Variants in NCEH1 observed in about 807,000 individuals in gnomAD.
The protein encoded by NCEH1 is neutral cholesterol ester hydrolase 1, also known as 2-acetyl MAGE hydrolase.
NCEH1 carries 9 observed loss-of-function variants against 25.4 expected under a neutral mutation model. That is an observed-to-expected ratio of 0.35 (90% CI 0.21 to 0.62). The LOEUF is 0.62. NCEH1 is among the 20% of genes least tolerant of loss of function. The pLI is 0.72. For missense variants in NCEH1, 412 were observed against 501.1 expected, an observed-to-expected ratio of 0.82 and a Z score of 1.70; for synonymous variants, 200 against 199.8, an observed-to-expected ratio of 1.00 and a Z score of -0.01.
In NCEH1 at chr3:172,679,211, G is replaced by A. The variant is rs117157567; in HGVS notation, c.139-31097C>T. 5.4e-4 allele frequency among the ~76,000 whole-genome samples: 83 copies of A among 152,344 alleles called. No individual in the cohort carries two copies. The East Asian group carries it at 0.015, about 27-fold the overall frequency. ...TTAAATAAGGAAGAGGGACAGCTAT[G>A]ACCTAATGCTTGCTTGGACCACTAT... On this transcript the variant is annotated intron_variant, in intron 1 of 4. Coordinates refer to ENST00000475381, the MANE Select transcript of NCEH1 (RefSeq NM_020792.6).
In NCEH1 at chr3:172,649,818, G is replaced by A. The variant is rs532863362; in HGVS notation, c.139-1704C>T. Among the ~76,000 whole-genome samples, 39 of 152,326 alleles carry A rather than the reference G, an allele frequency of 2.6e-4. No homozygotes were observed. In the South Asian group the frequency reaches 7.7e-3, roughly 30 times the overall value. On this transcript the variant is annotated intron_variant, in intron 1 of 4. Transcript: ENST00000475381. ...ACAGGACAGGTAGTTTGACTGGCAC[G>A]AAACGATGAAATATGAACAAAGAAA...
At position 172,631,496 on chromosome 3, in the gene NCEH1, G is replaced by C. The variant is rs545800356; in HGVS notation, c.*1979C>G. ...AGAGGCCAATATAATTTGCCAGTCT[G>C]ACAAGACAGTTGGTATTATAAGTGG... is the stretch of plus-strand genomic sequence containing the variant. On this transcript the variant is annotated 3_prime_UTR_variant, in exon 5 of 5. Coordinates refer to ENST00000475381, the MANE Select transcript of NCEH1 (RefSeq NM_020792.6). 6.6e-5 allele frequency: 10 copies of C among 152,628 alleles called. No individual in the cohort carries two copies. The highest frequency in any genetic ancestry group is 1.3e-4 in the Admixed American group (2 of 15,282). The allele number at this position is 152,628 out of a possible 1,614,324, so 9.5% of individuals were successfully genotyped here.
intron 1 of NCEH1, among the ~76,000 whole-genome samples, chr3:172,666,999 G>A (rs758378372): frequency 8.5e-5 from 13 of 152,182 alleles, no homozygotes; most frequent in Admixed American, 7.2e-4. Context: ...GTATTTCTAA[G>A]CCAACAGCGC....
At chr3:172,654,160 G>A (rs1314395088) in intron 1 of NCEH1, among the ~76,000 whole-genome samples, 3 of 152,196 alleles carry the variant, frequency 2.0e-5, no homozygotes, top group Non-Finnish European at 2.9e-5. Context: ...GGAGGCATGC[G>A]CAGCACAGAA....
Position 172,652,845 on chromosome 3 carries a change from A to G in NCEH1, c.139-4731T>C, listed in dbSNP as rs60906353. ...CAAATAGCTGGGATTACAGATGCCT[A>G]CCACCACACCTGGCTAATTTTTGTA... On this transcript the variant is annotated intron_variant, in intron 1 of 4. Coordinates refer to ENST00000475381, the MANE Select transcript of NCEH1 (RefSeq NM_020792.6). Among the ~76,000 whole-genome samples, 63 of 150,200 alleles carry G rather than the reference A, an allele frequency of 4.2e-4. No individual in the cohort carries two copies. In the East Asian group the frequency reaches 0.012, roughly 27 times the overall value.
At chr3:172,650,507 G>A (rs1577060046) in intron 1 of NCEH1, among the ~76,000 whole-genome samples, 3 of 151,964 alleles carry the variant, frequency 2.0e-5, no homozygotes. Context: ...AAATCAGCCG[G>A]GCATGGTGGC....
chr3:172,636,283 T>A, intron 3 of NCEH1, 196 bp from the exon 4 acceptor site: 1 of 423,144 alleles, frequency 2.4e-6, no homozygotes, highest in Admixed American at 3.8e-5. Context: ...TAGTTTAAAA[T>A]GTGATGATTT....
At chr3:172,650,123 G>A (rs768336844) in intron 1 of NCEH1, among the ~76,000 whole-genome samples, 4 of 152,122 alleles carry the variant, frequency 2.6e-5, no homozygotes, top group Non-Finnish European at 4.4e-5. Context: ...CTTATGTTTC[G>A]CTTGCATTCA....
At chr3:172,661,335 C>G (rs1271884212) in intron 1 of NCEH1, among the ~76,000 whole-genome samples, 2 of 152,152 alleles carry the variant, frequency 1.3e-5, no homozygotes, top group African/African-American at 4.8e-5. Flanking sequence ...TGGTCTATAT[C>G]TCCCTTTTGG....
chr3:172,702,884 C>A (rs560127787), intron 1 of NCEH1, among the ~76,000 whole-genome samples: 3 of 152,044 alleles, frequency 2.0e-5, no homozygotes, highest in Non-Finnish European at 4.4e-5. Context: ...CCCAGCTACT[C>A]AAAAGGCTGA....
chr3:172,658,226 C>T (rs1717794376), intron 1 of NCEH1, among the ~76,000 whole-genome samples: 1 of 152,220 alleles, frequency 6.6e-6, no homozygotes, highest in South Asian at 2.1e-4. Flanking sequence ...GCCACCGCAA[C>T]ATCAGGAAGT....
chr3:172,639,781 C>T lies in NCEH1; in HGVS notation c.438-3694G>A, dbSNP rs1039239125. Among the ~76,000 whole-genome samples, 5 of 152,272 alleles carry T rather than the reference C, an allele frequency of 3.3e-5. No homozygotes were observed. The South Asian group carries it at 1.0e-3, about 32-fold the overall frequency. On this transcript the variant is annotated intron_variant, in intron 3 of 4. Coordinates refer to ENST00000475381, the MANE Select transcript of NCEH1 (RefSeq NM_020792.6). ...GAACAAAATTTGGTGTAAATTCAGG[C>T]ATGAGGTTTAATCAAATTAATGTGT... is the stretch of plus-strand genomic sequence containing the variant.
chr3:172,702,771 C>T (rs947663467), intron 1 of NCEH1, among the ~76,000 whole-genome samples: 7 of 152,022 alleles, frequency 4.6e-5, no homozygotes, highest in African/African-American at 1.7e-4. Context: ...ATCACTTGAG[C>T]CCAGGAGTTT....
At position 172,662,385 on chromosome 3, in the gene NCEH1, G is replaced by A. The variant is rs192884503; in HGVS notation, c.139-14271C>T. ...TTCGGTTTGCCAGTATTTTATTGAGGATTTTTGCATCGATGTTCATCAGGG... is the reference window on the plus strand; with the variant it reads ...TTCGGTTTGCCAGTATTTTATTGAGAATTTTTGCATCGATGTTCATCAGGG... On this transcript the variant is annotated intron_variant, in intron 1 of 4. Transcript: ENST00000475381. Among the ~76,000 whole-genome samples the A allele has an allele frequency of 4.2e-3, 635 of 152,268 alleles. 3 individuals are homozygous for A. Among genetic ancestry groups the A allele is most frequent in the Non-Finnish European group, 7.2e-3 (491 of 68,022 alleles).
chr3:172,665,813 GT>G (rs1175814547), intron 1 of NCEH1, among the ~76,000 whole-genome samples: 1 of 152,218 alleles, frequency 6.6e-6, no homozygotes, highest in African/African-American at 2.4e-5. Flanking sequence ...TAATCTCCTG[GT>G]CTGCCATTTG....
intron 1 of NCEH1, among the ~76,000 whole-genome samples, chr3:172,653,763 T>TTTTTTTG (rs1717553030): frequency 1.0e-5 from 1 of 97,872 alleles, no homozygotes; most frequent in East Asian, 4.9e-4. Context: ...TTTTTTTGTT[T>TTTTTTTG]TTTTTTTTTT....
In NCEH1 at chr3:172,636,096, A is replaced by C. The variant is rs1442584710; in HGVS notation, c.438-9T>G. ...TTGGAACTAGCCTGTATCTGTAAAA[A>C]CAAAAGTTGTATTCATTTAAGGCCT... On this transcript the variant is annotated splice_polypyrimidine_tract_variant and intron_variant, in intron 3 of 4. Coordinates refer to ENST00000475381, the MANE Select transcript of NCEH1 (RefSeq NM_020792.6). 1.9e-6 allele frequency: 3 copies of C among 1,608,058 alleles called. No homozygotes were observed. Among genetic ancestry groups the C allele is most frequent in the Admixed American group, 3.3e-5 (2 of 59,890 alleles).
At chr3:172,650,410 A>G (rs1302449608) in intron 1 of NCEH1, among the ~76,000 whole-genome samples, 1 of 152,002 alleles carries the variant, frequency 6.6e-6, no homozygotes, top group Non-Finnish European at 1.5e-5. Context: ...TTGGGAGGCC[A>G]AGATGGGCGG....
At chr3:172,681,104 G>A (rs1034781497) in intron 1 of NCEH1, 3 of 151,960 alleles carry the variant, frequency 2.0e-5, no homozygotes, top group African/African-American at 4.8e-5. Flanking sequence ...TCAGGGCCCT[G>A]AGGACCAAGA....
Sources: allele counts gnomAD v4.1 joint callset (sites outside exome capture counted in the v4.1 genomes callset), GRCh38; gene constraint gnomAD v4.1.1; transcripts MANE v1.5; gene names NCBI Gene and HGNC (gene_info 2026-07-23, HGNC 2026-07-21).